The following FANCM variants were observed in gnomAD, a reference collection of about 807,000 sequenced individuals.
The protein encoded by FANCM is Fanconi anemia group M protein.
In FANCM, 140 loss-of-function variants were observed where a neutral mutation model predicts 199.5. The observed-to-expected ratio is 0.70, with a 90% CI of 0.61 to 0.81. The LOEUF is 0.81. Among genes scored for constraint, FANCM ranks in the 30% least tolerant of loss-of-function variants. The pLI is 0.00. For synonymous variants in FANCM, 840 were observed against 836.8 expected (o/e 1.00, Z -0.07); for missense variants, 2,410 against 2,421.4 (o/e 1.00, Z 0.10).
In FANCM at chr14:45,155,379, A is replaced by C. The variant is rs1594773798; in HGVS notation, c.1316A>C (p.Lys439Thr). The C allele has an allele frequency of 7.5e-7, 1 of 1,331,466 alleles. No individual in the cohort carries two copies. The highest frequency in any genetic ancestry group is 1.1e-6 in the Non-Finnish European group (1 of 926,988). The allele number at this position is 1,331,466 out of a possible 1,614,324, so 82.5% of individuals were successfully genotyped here. A position where few individuals can be genotyped will look rare whatever the true frequency, so the allele number is the denominator to read the frequency against. ...NGISAIQQGD[K>T]NKKFVYSHPK... is the part of the protein sequence containing the mutation. ...TATTTTTGTTTTGTTCCAGGAGATAAAAATAAAAAATTTGTTTATAGTCAT... is the reference window on the plus strand; with the variant it reads ...TATTTTTGTTTTGTTCCAGGAGATACAAATAAAAAATTTGTTTATAGTCAT... The change falls in exon 8 of 23, where the codon AAA becomes ACA. Residue 439 changes from lysine (K) to threonine (T), a missense_variant. Physicochemically the swap from Lys to Thr is moderately conservative, Grantham distance 78. Transcript: ENST00000267430.
chr14:45,157,699 A>C (rs555456461), intron 8 of FANCM, among the ~76,000 whole-genome samples: 1 of 152,196 alleles, frequency 6.6e-6, no homozygotes, highest in African/African-American at 2.4e-5. Flanking sequence ...GCTTGATGCA[A>C]TGATGATTCA....
In FANCM at chr14:45,157,071, A is replaced by C. The variant is rs149152324; in HGVS notation, c.1396+1612A>C. Among the ~76,000 whole-genome samples, 980 of 152,270 alleles carry C rather than the reference A, an allele frequency of 6.4e-3. 8 individuals are homozygous for C. The highest frequency in any genetic ancestry group is 0.022 in the African/African-American group (933 of 41,554). ...ATATGTATGTTAATTAGCTTGATTTAGCCATTTCACAATGTATATAGACAT... is the reference window on the plus strand; with the variant it reads ...ATATGTATGTTAATTAGCTTGATTTCGCCATTTCACAATGTATATAGACAT... On this transcript the variant is annotated intron_variant, in intron 8 of 22. Coordinates refer to ENST00000267430, the MANE Select transcript of FANCM (RefSeq NM_020937.4).
rs1050873939 is a variant in FANCM at position 45,185,381 on chromosome 14, T to A, written c.4672+8T>A. The A allele has an allele frequency of 6.6e-7, 1 of 1,524,680 alleles. No individual in the cohort carries two copies. Among genetic ancestry groups the A allele is most frequent in the African/African-American group, 1.4e-5 (1 of 72,108 alleles). The allele number at this position is 1,524,680 out of a possible 1,614,324, so 94.4% of individuals were successfully genotyped here. A position where few individuals can be genotyped will look rare whatever the true frequency, so the allele number is the denominator to read the frequency against. On this transcript the variant is annotated splice_region_variant and intron_variant, in intron 18 of 22. Coordinates refer to ENST00000267430, the MANE Select transcript of FANCM (RefSeq NM_020937.4). ...TTTCACAGGCTATAAATGGTAAATG[T>A]TATAATGATCCTTAAAATTTTTTTC...
intron 16 of FANCM, 46 bp downstream of exon 16, chr14:45,181,751 A>T: frequency 7.9e-7 from 1 of 1,264,564 alleles, no homozygotes; most frequent in Non-Finnish European, 1.2e-6. Context: ...TTCCTTTGGA[A>T]TAAAAATTTT....
rs778624278 is a variant in FANCM at position 45,167,068 on chromosome 14, A to G, written c.1907A>G (p.Lys636Arg). ...ATGGTTCCTGATGGAATCAACCCAAAATTACACAAAATGTTCATCACACAT... is the reference window on the plus strand; with the variant it reads ...ATGGTTCCTGATGGAATCAACCCAAGATTACACAAAATGTTCATCACACAT... ...PRMVPDGINPKLHKMFITHGV... is the reference protein window; with the variant it reads ...PRMVPDGINPRLHKMFITHGV... The change falls in exon 11 of 23, where the codon AAA (lysine) becomes AGA (arginine). Residue 636 changes from lysine to arginine, a missense_variant. Coordinates refer to ENST00000267430, the MANE Select transcript of FANCM (RefSeq NM_020937.4). The G allele has an allele frequency of 6.2e-7, 1 of 1,613,734 alleles. No homozygotes were observed. Among genetic ancestry groups the G allele is most frequent in the South Asian group, 1.1e-5 (1 of 91,068 alleles).
Position 45,200,145 on chromosome 14 carries a change from A to G in FANCM, c.*137A>G, listed in dbSNP as rs569827534. On this transcript the variant is annotated 3_prime_UTR_variant, in exon 23 of 23. Coordinates refer to ENST00000267430, the MANE Select transcript of FANCM (RefSeq NM_020937.4). ...TTTTATATTGTATACATTTTTATTT[A>G]TAGATTATAGAAATTATTAAAAAAG... 3.3e-6 allele frequency: 1 copy of G among 300,646 alleles called. No individual in the cohort carries two copies. The highest frequency in any genetic ancestry group is 1.1e-4 in the South Asian group (1 of 9,202). 18.6% of individuals were successfully genotyped at this position (300,646 alleles called of 1,614,324 possible). A position where few individuals can be genotyped will look rare whatever the true frequency, so the allele number is the denominator to read the frequency against.
At chr14:45,181,034 CT>C in intron 14 of FANCM, 1 of 197,572 alleles carries the variant, frequency 5.1e-6, no homozygotes, top group Non-Finnish European at 1.0e-5. Flanking sequence ...CATTTTTATG[CT>C]TTAACTCTTT....
At chr14:45,147,569 G>A (rs375529855) in intron 3 of FANCM, among the ~76,000 whole-genome samples, 3 of 152,042 alleles carry the variant, frequency 2.0e-5, no homozygotes, top group South Asian at 2.1e-4. Flanking sequence ...ACCCTTAGGC[G>A]TGAGCTGCTG....
intron 10 of FANCM, 119 bp from the exon 11 acceptor site, chr14:45,166,831 T>G (rs1338735134): frequency 4.4e-6 from 3 of 678,808 alleles, no homozygotes; most frequent in Non-Finnish European, 7.7e-6. Context: ...TCTAAGTATT[T>G]AAGTGGATCG....
intron 10 of FANCM, among the ~76,000 whole-genome samples, chr14:45,165,691 T>C (rs1303388060): frequency 1.3e-5 from 2 of 152,230 alleles, no homozygotes; most frequent in African/African-American, 4.8e-5. Context: ...ATGATCCTAA[T>C]GAAATGTTTG....
In FANCM at chr14:45,188,953, G is replaced by A. The variant is rs138151018; in HGVS notation, c.4931G>A (p.Arg1644Gln). The part of the protein sequence containing the change: ...CFANSKKYKT[R>Q]RAVMLKEMME... The stretch of plus-strand genomic sequence containing the variant: ...GCAAATAGTAAAAAGTATAAAACTC[G>A]ACGTGCAGTAATGCTAAAAGAAATG... Residue 1644 changes from arginine (R) to glutamine (Q), a missense_variant, in exon 20 of 23, where the codon CGA (arginine) becomes CAA (glutamine). By Grantham distance (43) the Arg-to-Gln change is conservative. Coordinates refer to ENST00000267430, the MANE Select transcript of FANCM (RefSeq NM_020937.4). 786 of 1,613,940 alleles carry A rather than the reference G, an allele frequency of 4.9e-4. 7 individuals are homozygous for A. The East Asian group carries it at 0.014, about 28-fold the overall frequency.
In FANCM at chr14:45,198,654, A is replaced by G. The variant is rs1046816784; in HGVS notation, c.5727A>G (p.Ser1909=). 4 of 1,610,430 alleles carry G rather than the reference A, an allele frequency of 2.5e-6. No individual in the cohort carries two copies. The highest frequency in any genetic ancestry group is 3.4e-6 in the Non-Finnish European group (4 of 1,177,322). The change falls in exon 22 of 23, where the codon TCA becomes TCG. Residue 1909 remains serine, a synonymous_variant. Transcript: ENST00000267430. ...AATATGAATATTTAGGAGACACATC[A>G]AGGATGTTTAGGAGAACAAAGAGCT... ...EKDREKTGDT[S]RMFRRTKSYD...
intron 16 of FANCM, among the ~76,000 whole-genome samples, chr14:45,182,749 T>C (rs568875132): frequency 6.6e-6 from 1 of 152,204 alleles, no homozygotes; most frequent in African/African-American, 2.4e-5. Context: ...ACAATAGAGT[T>C]GGATCCTGAT....
At chr14:45,172,690 T>C (rs963192247) in intron 12 of FANCM, among the ~76,000 whole-genome samples, 4 of 152,224 alleles carry the variant, frequency 2.6e-5, no homozygotes, top group African/African-American at 9.6e-5. Context: ...ACAAATTCTT[T>C]GTTAACTTTG....
Position 45,136,300 on chromosome 14 carries a change from C to A in FANCM, c.269C>A (p.Pro90Gln), listed in dbSNP as rs142904668. The change falls in exon 1 of 23, where the codon CCA becomes CAA. Residue 90 changes from proline (P) to glutamine (Q), a missense_variant. Transcript: ENST00000267430. ...CTGTGGATTTACCCTACCAATTGCC[C>A]AGTGCGGGACTACCAGCTGCACATT... ...GALWIYPTNC[P>Q]VRDYQLHISR... 6.2e-7 allele frequency: 1 copy of A among 1,614,180 alleles called. No individual in the cohort carries two copies. The highest frequency in any genetic ancestry group is 1.1e-5 in the South Asian group (1 of 91,084).
chr14:45,189,514 C>T lies in FANCM; in HGVS notation c.5340+152C>T, dbSNP rs1037604825. The T allele has an allele frequency of 1.6e-4, 103 of 646,040 alleles. No homozygotes were observed. The Admixed American group carries it at 2.9e-3, about 18-fold the overall frequency. 40.0% of individuals were successfully genotyped at this position (646,040 alleles called of 1,614,324 possible). On this transcript the variant is annotated intron_variant, in intron 20 of 22. Transcript: ENST00000267430. ...AATGTCTTCAAACAAGAAAACAATA[C>T]ACAAAATTATATGGGCAATTCACAG...
chr14:45,146,636 C>A (rs530233679), intron 3 of FANCM, among the ~76,000 whole-genome samples: 5 of 151,950 alleles, frequency 3.3e-5, no homozygotes, highest in African/African-American at 1.2e-4. Flanking sequence ...CGAAACCATC[C>A]TGGCCAACAT....
Position 45,136,466 on chromosome 14 carries a change from C to G in FANCM, c.435C>G (p.Pro145=), listed in dbSNP as rs1357940927. Residue 145 remains proline (P), a synonymous_variant, in exon 1 of 23, where the codon CCC becomes CCG. Coordinates refer to ENST00000267430, the MANE Select transcript of FANCM (RefSeq NM_020937.4). The part of the protein sequence containing the change: ...GKVVFMAPTK[P]LVTQQIEACY... ...TGGTCTTCATGGCCCCAACGAAACC[C>G]TTGGTGACACAGCAGATCGAGGCTT... 4 of 1,614,138 alleles carry G rather than the reference C, an allele frequency of 2.5e-6. No homozygotes were observed. The highest frequency in any genetic ancestry group is 3.4e-6 in the Non-Finnish European group (4 of 1,179,992).
intron 2 of FANCM, among the ~76,000 whole-genome samples, chr14:45,138,772 T>C (rs1346710915): frequency 6.6e-6 from 1 of 152,214 alleles, no homozygotes; most frequent in Non-Finnish European, 1.5e-5. Context: ...ATGCATTGAC[T>C]TCATTAATAA....
Sources: allele counts gnomAD v4.1 joint callset (sites outside exome capture counted in the v4.1 genomes callset), GRCh38; gene constraint gnomAD v4.1.1; transcripts MANE v1.5; gene names NCBI Gene and HGNC (gene_info 2026-07-23, HGNC 2026-07-21).